Variants in GINS1 observed in about 807,000 individuals in gnomAD.
The protein encoded by GINS1 is DNA replication complex GINS protein PSF1.
Under a neutral mutation model 34.9 loss-of-function variants are expected in GINS1, and 26 were observed. The ratio of observed to expected loss-of-function variants is 0.74; its 90% CI spans 0.55 to 1.03. The LOEUF (loss-of-function observed/expected upper bound fraction) is 1.03. GINS1 is among the 50% of genes least tolerant of loss of function. GINS1 has a pLI of 0.00. For synonymous variants in GINS1, 97 were observed against 84.4 expected, an observed-to-expected ratio of 1.15 and a Z score of -0.82; for missense variants, 235 against 237.9, an observed-to-expected ratio of 0.99 and a Z score of 0.08.
chr20:25,408,900 G>T (rs969833866), intron 1 of GINS1: 9 of 982,896 alleles, frequency 9.2e-6, no homozygotes, highest in Admixed American at 1.2e-4. Flanking sequence ...TGGATGTCAG[G>T]ACACATTCTG....
At chr20:25,440,983 G>A (rs1305830924) in intron 5 of GINS1, among the ~76,000 whole-genome samples, 1 of 152,124 alleles carries the variant, frequency 6.6e-6, no homozygotes. Context: ...AGACATAGTC[G>A]TTGCTGGCGT....
intron 5 of GINS1, among the ~76,000 whole-genome samples, chr20:25,428,988 TTTTTTTTTTTTTTTTTTTG>T (rs2090411011): frequency 4.0e-5 from 1 of 25,202 alleles, no homozygotes; most frequent in African/African-American, 2.0e-4. Flanking sequence ...TTTTTTTTTT[TTTTTTTTTTTTTTTTTTTG>T]AAACGAAGTC....
chr20:25,443,603 C>G (rs1232177915), intron 6 of GINS1, among the ~76,000 whole-genome samples: 2 of 151,342 alleles, frequency 1.3e-5, no homozygotes, highest in African/African-American at 2.4e-5. Flanking sequence ...CTCAGCCTCT[C>G]AAATAGCTGG....
At chr20:25,415,553 C>T (rs2151143) in intron 2 of GINS1, among the ~76,000 whole-genome samples, 17 of 151,868 alleles carry the variant, frequency 1.1e-4, no homozygotes, top group South Asian at 6.2e-4. Context: ...TGCGTGGTGG[C>T]GCATGCCTGT....
At chr20:25,423,452 CTTTTTTTTTTTTTTTTTTTTTT>C (rs1159340467) in intron 4 of GINS1, among the ~76,000 whole-genome samples, 1 of 29,992 alleles carries the variant, frequency 3.3e-5, no homozygotes, top group South Asian at 2.4e-3. Context: ...TTTTTCTTTT[CTTTTTTTTTTTTTTTTTTTTTT>C]TTTTTTTTTT....
chr20:25,432,830 ATATAT>A (rs1160648188), intron 5 of GINS1, among the ~76,000 whole-genome samples: 1 of 148,864 alleles, frequency 6.7e-6, no homozygotes, highest in African/African-American at 2.4e-5. Context: ...TATATTTATC[ATATAT>A]TATGTTATAT....
chr20:25,432,269 T>C (rs563346006), intron 5 of GINS1, among the ~76,000 whole-genome samples: 130 of 152,322 alleles, frequency 8.5e-4, no homozygotes, highest in African/African-American at 3.0e-3. Context: ...TGATGTGTTA[T>C]GTTTTTGTTT....
At chr20:25,441,923 T>C (rs2090484089) in intron 6 of GINS1, 147 bp downstream of exon 6, 8 of 481,764 alleles carry the variant, frequency 1.7e-5, no homozygotes, top group Admixed American at 7.6e-5. Context: ...TTCTGTACTT[T>C]TTCTGAATAT....
intron 6 of GINS1, among the ~76,000 whole-genome samples, chr20:25,445,247 T>G (rs1418668780): frequency 6.6e-6 from 1 of 152,036 alleles, no homozygotes; most frequent in Non-Finnish European, 1.5e-5. Flanking sequence ...CAGGCTGGAG[T>G]GCAATGGCAC....
intron 5 of GINS1, 77 bp from the exon 6 acceptor site, chr20:25,441,625 T>C: frequency 1.4e-6 from 1 of 729,914 alleles, no homozygotes; most frequent in South Asian, 1.7e-5. Context: ...TGTGTATTTG[T>C]ATAATGCTGA....
chr20:25,437,412 TAG>T (rs2090459962), intron 5 of GINS1, among the ~76,000 whole-genome samples: 1 of 152,236 alleles, frequency 6.6e-6, no homozygotes, highest in African/African-American at 2.4e-5. Flanking sequence ...GCCACAAAGC[TAG>T]GAACAGGGGA....
At chr20:25,444,940 G>A (rs2090502832) in intron 6 of GINS1, among the ~76,000 whole-genome samples, 1 of 152,226 alleles carries the variant, frequency 6.6e-6, no homozygotes, top group African/African-American at 2.4e-5. Flanking sequence ...TGAAATCCAA[G>A]AACAGGTTTT....
At chr20:25,413,559 A>C in intron 1 of GINS1, 1 of 476,338 alleles carries the variant, frequency 2.1e-6, no homozygotes, top group Non-Finnish European at 3.7e-6. Flanking sequence ...AGGAACTGTC[A>C]AGTTTTTGCC....
chr20:25,419,551 A>G (rs1307416959), intron 4 of GINS1: 2 of 297,604 alleles, frequency 6.7e-6, no homozygotes, highest in Non-Finnish European at 1.0e-5. Flanking sequence ...ATCTACTTAT[A>G]TTAATTGAAC....
rs528533352 is a variant in GINS1, at chr20:25,434,857, A to G, written c.448-6845A>G. Among the ~76,000 whole-genome samples, 3 of 152,320 alleles carry G rather than the reference A, an allele frequency of 2.0e-5. No individual in the cohort carries two copies. The South Asian group carries it at 6.2e-4, about 32-fold the overall frequency. ...TCCAATGTGGCGCCTTGAATGCTGC[A>G]TCCTCTGGAGGGATGAAATGCAGTG... On this transcript the variant is annotated intron_variant, in intron 5 of 6. Coordinates refer to ENST00000262460, the MANE Select transcript of GINS1 (RefSeq NM_021067.5).
intron 3 of GINS1, 173 bp downstream of exon 3, chr20:25,417,375 T>C: frequency 8.6e-6 from 5 of 578,950 alleles, no homozygotes; most frequent in Non-Finnish European, 1.5e-5. Flanking sequence ...CACAACACTT[T>C]TAAAAGTAGG....
chr20:25,433,920 C>A (rs1203847557), intron 5 of GINS1, among the ~76,000 whole-genome samples: 2 of 152,004 alleles, frequency 1.3e-5, no homozygotes, highest in Non-Finnish European at 2.9e-5. Flanking sequence ...TGCAAAGTTA[C>A]AATAATACTA....
intron 5 of GINS1, among the ~76,000 whole-genome samples, chr20:25,441,134 TGG>T (rs1219687817): frequency 6.6e-6 from 1 of 152,200 alleles, no homozygotes; most frequent in African/African-American, 2.4e-5. Context: ...AACCTGTACC[TGG>T]GAACACCTTT....
At position 25,423,227 on chromosome 20, in the gene GINS1, C is replaced by A. The variant is rs901769258; in HGVS notation, c.331-1984C>A. On this transcript the variant is annotated intron_variant, in intron 4 of 6. Transcript: ENST00000262460. ...CTCCCTGGTTCAAGCAATCCTCCTG[C>A]TTCAGCCTCTGGAGTAGCTGGGACT... Among the ~76,000 whole-genome samples, 5 of 151,602 alleles carry A rather than the reference C, an allele frequency of 3.3e-5. 1 individual carries two copies. In the East Asian group the frequency reaches 9.8e-4, roughly 30 times the overall value.
Sources: allele counts gnomAD v4.1 joint callset (sites outside exome capture counted in the v4.1 genomes callset), GRCh38; gene constraint gnomAD v4.1.1; transcripts MANE v1.5; gene names NCBI Gene and HGNC (gene_info 2026-07-23, HGNC 2026-07-21).